ULK4: variants seen among roughly 807,000 people sequenced by gnomAD.
ULK4 encodes inactive serine/threonine-protein kinase ULK4.
ULK4 carries 133 observed loss-of-function variants against 160.6 expected under a neutral mutation model. The observed-to-expected ratio is 0.83, with a 90% confidence interval of 0.72 to 0.96. ULK4 has a LOEUF of 0.96. Ranked by LOEUF, ULK4 falls within the 40% of genes least tolerant of loss-of-function variation. The probability of loss-of-function intolerance (pLI) is 0.00; values close to 1 mark genes in which losing one functional copy is unlikely to be tolerated. For missense variants in ULK4, 1,580 were observed against 1,499.5 expected (o/e 1.05, Z -0.89); for synonymous variants, 534 against 539.8 (o/e 0.99, Z 0.15).
At chr3:41,373,296 C>T (rs1053040012) in intron 35 of ULK4, among the ~76,000 whole-genome samples, 6 of 152,024 alleles carry the variant, frequency 3.9e-5, no homozygotes, top group Non-Finnish European at 8.8e-5. Context: ...CCTAATAGAC[C>T]TCTACAGAAC....
intron 27 of ULK4, among the ~76,000 whole-genome samples, chr3:41,704,168 G>T (rs9881730): frequency 0.19 from 28,774 of 152,116 alleles, 7,383 homozygotes; most frequent in African/African-American, 0.59. Context: ...GGGTTATGCT[G>T]TGGATGCCCA....
At chr3:41,414,096 G>A (rs1000613983) in intron 34 of ULK4, among the ~76,000 whole-genome samples, 1 of 152,198 alleles carries the variant, frequency 6.6e-6, no homozygotes, top group Non-Finnish European at 1.5e-5. Context: ...AGCTACTCGA[G>A]AGGCCAAGGC....
At chr3:41,587,066 A>G (rs2030874810) in intron 31 of ULK4, among the ~76,000 whole-genome samples, 1 of 152,170 alleles carries the variant, frequency 6.6e-6, no homozygotes, top group Non-Finnish European at 1.5e-5. Flanking sequence ...ACTCTTATTT[A>G]GAGGCTCCAT....
intron 32 of ULK4, among the ~76,000 whole-genome samples, chr3:41,475,477 C>T (rs1295816704): frequency 3.3e-5 from 5 of 152,110 alleles, no homozygotes; most frequent in Non-Finnish European, 7.4e-5. Context: ...TAAGAGTATA[C>T]ATTTCAAACA....
At chr3:41,869,838 G>T (rs549552101) in intron 17 of ULK4, among the ~76,000 whole-genome samples, 1 of 152,040 alleles carries the variant, frequency 6.6e-6, no homozygotes, top group East Asian at 1.9e-4. Flanking sequence ...GTAAACCCAG[G>T]TTTATATTTG....
intron 35 of ULK4, among the ~76,000 whole-genome samples, chr3:41,336,727 G>A (rs1411184235): frequency 6.6e-6 from 1 of 152,184 alleles, no homozygotes; most frequent in Non-Finnish European, 1.5e-5. Context: ...CAAAGCCTGG[G>A]ATTGGATGGT....
At chr3:41,248,669 A>T (rs2078688408) in intron 36 of ULK4, among the ~76,000 whole-genome samples, 3 of 152,236 alleles carry the variant, frequency 2.0e-5, no homozygotes, top group Non-Finnish European at 4.4e-5. Context: ...ATGTAGTTCT[A>T]AAAACAGAAT....
intron 34 of ULK4, among the ~76,000 whole-genome samples, chr3:41,403,006 C>T (rs1294728483): frequency 3.3e-5 from 5 of 151,952 alleles, no homozygotes; most frequent in Admixed American, 2.6e-4. Context: ...CAAAATTAGC[C>T]GGGCGTGGTG....
chr3:41,341,453 AG>A (rs1219365194), intron 35 of ULK4, among the ~76,000 whole-genome samples: 1 of 152,224 alleles, frequency 6.6e-6, no homozygotes, highest in Admixed American at 6.5e-5. Context: ...ATACAATGGC[AG>A]CAGAGGCTTG....
At position 41,556,700 on chromosome 3, in the gene ULK4, G is replaced by C. The variant is rs776617310; in HGVS notation, c.3226+9325C>G. Among the ~76,000 whole-genome samples, 8 of 151,966 alleles carry C rather than the reference G, an allele frequency of 5.3e-5. 1 individual carries two copies. In the East Asian group the frequency reaches 1.4e-3, roughly 26 times the overall value. ...GGCAGGGTTTCACTGTGTTAGCCAGGATGGTCTCCATCTGCTGACCTCGTA... is the reference window on the plus strand; with the variant it reads ...GGCAGGGTTTCACTGTGTTAGCCAGCATGGTCTCCATCTGCTGACCTCGTA... On this transcript the variant is annotated intron_variant, in intron 32 of 36. Coordinates refer to ENST00000301831, the MANE Select transcript of ULK4 (RefSeq NM_017886.4).
At chr3:41,323,281 AG>A (rs1439542687) in intron 35 of ULK4, among the ~76,000 whole-genome samples, 1 of 151,930 alleles carries the variant, frequency 6.6e-6, no homozygotes, top group Non-Finnish European at 1.5e-5. Flanking sequence ...CACACGTCAA[AG>A]GCATATTCAA....
intron 34 of ULK4, among the ~76,000 whole-genome samples, chr3:41,414,397 G>T (rs995568828): frequency 4.7e-4 from 72 of 152,018 alleles, no homozygotes; most frequent in African/African-American, 1.7e-3. Context: ...TTTAAAAACT[G>T]TTTTACAACA....
chr3:41,295,758 A>G (rs770812532), intron 35 of ULK4, among the ~76,000 whole-genome samples: 2 of 152,216 alleles, frequency 1.3e-5, no homozygotes, highest in Non-Finnish European at 2.9e-5. Flanking sequence ...AATGGCCCAA[A>G]TCTGGAATAT....
At chr3:41,484,133 C>G (rs893217286) in intron 32 of ULK4, among the ~76,000 whole-genome samples, 3 of 152,234 alleles carry the variant, frequency 2.0e-5, no homozygotes, top group South Asian at 2.1e-4. Context: ...GCCACTGTTC[C>G]TAGTAATGAG....
At chr3:41,728,382 T>C (rs901209964) in intron 22 of ULK4, among the ~76,000 whole-genome samples, 4 of 152,050 alleles carry the variant, frequency 2.6e-5, no homozygotes, top group Non-Finnish European at 5.9e-5. Context: ...AGAGATCACA[T>C]TGAAAGAGAG....
At chr3:41,734,779 T>C (rs780345702) in intron 22 of ULK4, among the ~76,000 whole-genome samples, 5 of 152,158 alleles carry the variant, frequency 3.3e-5, no homozygotes, top group African/African-American at 4.8e-5. Flanking sequence ...AAAGTCACAT[T>C]AGCCCTAAAA....
intron 35 of ULK4, among the ~76,000 whole-genome samples, chr3:41,378,798 TA>T (rs1168658584): frequency 2.7e-5 from 4 of 148,892 alleles, no homozygotes; most frequent in Admixed American, 2.7e-4. Context: ...ATAAAATAAA[TA>T]AAATAATAAA....
At chr3:41,627,532 C>T (rs931733530) in intron 30 of ULK4, among the ~76,000 whole-genome samples, 9 of 152,220 alleles carry the variant, frequency 5.9e-5, no homozygotes, top group Admixed American at 3.3e-4. Context: ...TCTCCATCTA[C>T]GCTCTCTGCC....
intron 2 of ULK4, among the ~76,000 whole-genome samples, chr3:41,947,099 G>A (rs767750747): frequency 1.3e-5 from 2 of 152,140 alleles, no homozygotes; most frequent in Non-Finnish European, 2.9e-5. Flanking sequence ...AGGCCGAGGC[G>A]GGAGGATCAC....
Sources: gnomAD v4.1 joint callset for allele counts (sites outside exome capture counted in the v4.1 genomes callset) on GRCh38, gnomAD v4.1.1 for gene constraint, MANE v1.5 for transcripts, NCBI Gene and HGNC (gene_info 2026-07-23, HGNC 2026-07-21) for gene names.